Variants in LMBR1 observed in about 807,000 individuals in gnomAD.
LMBR1 encodes limb development membrane protein 1, also known as limb region 1 protein homolog.
In LMBR1, 52 loss-of-function variants were observed where a neutral mutation model predicts 73.9. That is an observed-to-expected ratio of 0.70 (90% CI 0.56 to 0.89). The LOEUF (loss-of-function observed/expected upper bound fraction) is 0.89, where lower values mean the gene tolerates loss of function less well. LMBR1 is among the 40% of genes least tolerant of loss of function. LMBR1 has a pLI of 0.00. For synonymous variants in LMBR1, 215 were observed against 209.4 expected, an observed-to-expected ratio of 1.03 and a Z score of -0.23; for missense variants, 539 against 579.8, an observed-to-expected ratio of 0.93 and a Z score of 0.72.
At chr7:156,832,525 T>C (rs1586101229) in intron 3 of LMBR1, among the ~76,000 whole-genome samples, 2 of 152,236 alleles carry the variant, frequency 1.3e-5, no homozygotes, top group East Asian at 3.8e-4. Context: ...TGGACATTTC[T>C]TATAGATGGA....
chr7:156,721,046 T>C (rs898321564), intron 15 of LMBR1, among the ~76,000 whole-genome samples: 16 of 152,080 alleles, frequency 1.1e-4, no homozygotes, highest in Non-Finnish European at 2.4e-4. Context: ...ATAGACTATA[T>C]GGGACCCAAA....
At chr7:156,781,065 G>T (rs1827048685) in intron 5 of LMBR1, among the ~76,000 whole-genome samples, 1 of 152,118 alleles carries the variant, frequency 6.6e-6, no homozygotes, top group Non-Finnish European at 1.5e-5. Flanking sequence ...TAATGCAGAA[G>T]ACCATCTTAG....
intron 9 of LMBR1, among the ~76,000 whole-genome samples, chr7:156,749,237 T>C (rs6958255): frequency 0.04 from 6,145 of 152,208 alleles, 401 homozygotes; most frequent in African/African-American, 0.14. Context: ...AAGATGAAAG[T>C]AATTTAGAGG....
At chr7:156,688,240 AT>A in intron 15 of LMBR1, 49 bp from the exon 16 acceptor site, 1 of 1,342,164 alleles carries the variant, frequency 7.5e-7, no homozygotes, top group Non-Finnish European at 1.0e-6. Context: ...GTTAAGACAT[AT>A]TTAGTGTGCT....
At chr7:156,698,610 A>G (rs1410577779) in intron 15 of LMBR1, among the ~76,000 whole-genome samples, 1 of 152,232 alleles carries the variant, frequency 6.6e-6, no homozygotes, top group Non-Finnish European at 1.5e-5. Context: ...CTGAAGCAAC[A>G]GCCCAAGCTG....
chr7:156,798,369 G>A (rs1020583043), intron 4 of LMBR1, among the ~76,000 whole-genome samples: 2 of 152,154 alleles, frequency 1.3e-5, no homozygotes, highest in Non-Finnish European at 2.9e-5. Context: ...AGGCTCGCTT[G>A]CTAGTTTTCC....
At chr7:156,757,107 C>T (rs1010297358) in intron 8 of LMBR1, among the ~76,000 whole-genome samples, 6 of 152,182 alleles carry the variant, frequency 3.9e-5, no homozygotes, top group Non-Finnish European at 8.8e-5. Flanking sequence ...TGAGCCACCA[C>T]ACCCGCCCAG....
At chr7:156,833,584 A>AACCAGTGCTAAG in intron 3 of LMBR1, 169 bp downstream of exon 3, 1 of 328,730 alleles carries the variant, frequency 3.0e-6, no homozygotes, top group East Asian at 8.5e-5. Context: ...AGGAGATTGG[A>AACCAGTGCTAAG]TTATCCACAC....
chr7:156,699,813 A>G (rs1202302717), intron 15 of LMBR1, among the ~76,000 whole-genome samples: 1 of 152,216 alleles, frequency 6.6e-6, no homozygotes, highest in Non-Finnish European at 1.5e-5. Context: ...GCTCATCATC[A>G]CTGGCCATCA....
In LMBR1 at chr7:156,722,596, G is replaced by A. The variant is rs13226431; in HGVS notation, c.1225+1516C>T. Among the ~76,000 whole-genome samples the A allele has an allele frequency of 5.4e-3, 825 of 152,160 alleles. 5 individuals carry two copies. The highest frequency in any genetic ancestry group is 7.4e-3 in the Non-Finnish European group (503 of 67,962). ...CTGGGCATAACATGTAATGCAGTGCGTGTTGATATTTTGCAAAGCACCACA... is the reference window on the plus strand; with the variant it reads ...CTGGGCATAACATGTAATGCAGTGCATGTTGATATTTTGCAAAGCACCACA... On this transcript the variant is annotated intron_variant, in intron 15 of 16. Coordinates refer to ENST00000353442, the MANE Select transcript of LMBR1 (RefSeq NM_022458.4).
intron 5 of LMBR1, among the ~76,000 whole-genome samples, chr7:156,766,674 G>A (rs1824140407): frequency 6.6e-6 from 1 of 152,128 alleles, no homozygotes; most frequent in South Asian, 2.1e-4. Context: ...TCTATTAATA[G>A]CAGTGAGTGT....
At chr7:156,810,554 G>A (rs1259998436) in intron 4 of LMBR1, among the ~76,000 whole-genome samples, 1 of 151,932 alleles carries the variant, frequency 6.6e-6, no homozygotes, top group African/African-American at 2.4e-5. Flanking sequence ...CACCACGCCT[G>A]GCTAATTTTT....
chr7:156,671,091 G>A (rs1802388278), intron 4 of LMBR1, among the ~76,000 whole-genome samples: 1 of 152,166 alleles, frequency 6.6e-6, no homozygotes, highest in Non-Finnish European at 1.5e-5. Flanking sequence ...TGCACTTCTA[G>A]GGCAATAGCT....
intron 1 of LMBR1, among the ~76,000 whole-genome samples, chr7:156,885,432 T>C (rs1801732738): frequency 6.6e-6 from 1 of 151,532 alleles, no homozygotes; most frequent in Admixed American, 6.6e-5. Context: ...GCTTAAGCCA[T>C]ACCCAGGATA....
intron 9 of LMBR1, among the ~76,000 whole-genome samples, chr7:156,754,431 G>A (rs892683253): frequency 3.3e-5 from 5 of 151,776 alleles, no homozygotes; most frequent in Admixed American, 6.6e-5. Context: ...TTGCATTAAC[G>A]GTACAACTGA....
In LMBR1 at chr7:156,756,426, A is replaced by G; in HGVS notation, c.724T>C (p.Leu242=). Residue 242 remains leucine (L), a synonymous_variant, in exon 9 of 17, where the codon TTA becomes CTA. Coordinates refer to ENST00000353442, the MANE Select transcript of LMBR1 (RefSeq NM_022458.4). ...CGTCTCTGGAGTGCTTCTTCCTCTA[A>G]GGTAATGATATAAATTTGTTCATCC... ...DLDEQIYIIT[L]EEEALQRRLN... The G allele has an allele frequency of 1.3e-6, 2 of 1,504,834 alleles. No homozygotes were observed. Among genetic ancestry groups the G allele is most frequent in the South Asian group, 1.2e-5 (1 of 85,382 alleles). The allele number at this position is 1,504,834 out of a possible 1,614,324, so 93.2% of individuals were successfully genotyped here.
rs557770797 is a variant in LMBR1, at chr7:156,889,674, G to C, written c.66+3254C>G. Among the ~76,000 whole-genome samples, 6 of 152,270 alleles carry C rather than the reference G, an allele frequency of 3.9e-5. No homozygotes were observed. In the South Asian group the frequency reaches 1.2e-3, roughly 32 times the overall value. On this transcript the variant is annotated intron_variant, in intron 1 of 16. Transcript: ENST00000353442. ...ATCGGTACCAAAACCGTTTTCAGGG[G>C]AGTAGACGAAGCTCTGGACTGTTTT... is the stretch of plus-strand genomic sequence containing the variant.
At chr7:156,880,906 G>A (rs1800987077) in intron 1 of LMBR1, among the ~76,000 whole-genome samples, 1 of 152,136 alleles carries the variant, frequency 6.6e-6, no homozygotes, top group South Asian at 2.1e-4. Flanking sequence ...ACCCGCCTCG[G>A]CTTCCCAAAG....
intron 1 of LMBR1, among the ~76,000 whole-genome samples, chr7:156,863,234 C>CT (rs1797980015): frequency 7.0e-6 from 1 of 143,482 alleles, no homozygotes; most frequent in Admixed American, 6.8e-5. Flanking sequence ...GAGAGCCAGT[C>CT]TGAGTTTCAA....
Sources: allele counts gnomAD v4.1 joint callset (sites outside exome capture counted in the v4.1 genomes callset), GRCh38; gene constraint gnomAD v4.1.1; transcripts MANE v1.5; gene names NCBI Gene and HGNC (gene_info 2026-07-23, HGNC 2026-07-21).